BCHE: variants seen among roughly 807,000 people sequenced by gnomAD.
The protein encoded by BCHE is cholinesterase.
BCHE carries 48 observed loss-of-function variants against 51.3 expected under a neutral mutation model. The ratio of observed to expected loss-of-function variants is 0.94; its 90% CI spans 0.74 to 1.19. The LOEUF is 1.19. BCHE is among the 50% of genes most tolerant of loss of function. BCHE has a pLI of 0.00. For missense variants in BCHE, 847 were observed against 708.2 expected, an observed-to-expected ratio of 1.20 and a Z score of -2.23; for synonymous variants, 251 against 238.0, an observed-to-expected ratio of 1.05 and a Z score of -0.50.
intron 2 of BCHE, among the ~76,000 whole-genome samples, chr3:165,823,453 T>G (rs1212608314): frequency 5.9e-5 from 9 of 151,782 alleles, no homozygotes; most frequent in Non-Finnish European, 1.3e-4. Context: ...AGGCAATGAA[T>G]TTCAGAAACT....
At chr3:165,776,950 C>T (rs190998695) in intron 3 of BCHE, among the ~76,000 whole-genome samples, 7 of 151,128 alleles carry the variant, frequency 4.6e-5, no homozygotes, top group Admixed American at 2.6e-4. Context: ...TTAAATAATA[C>T]ATGTAAAATA....
At chr3:165,823,614 GTAT>G (rs532361897) in intron 2 of BCHE, among the ~76,000 whole-genome samples, 84 of 152,130 alleles carry the variant, frequency 5.5e-4, no homozygotes, top group African/African-American at 1.9e-3. Context: ...GTCCTATGAA[GTAT>G]TATATTTATA....
At chr3:165,789,707 A>T (rs1425780176) in intron 2 of BCHE, among the ~76,000 whole-genome samples, 1 of 152,174 alleles carries the variant, frequency 6.6e-6, no homozygotes, top group African/African-American at 2.4e-5. Flanking sequence ...AATATATTGA[A>T]TAAATTTTAA....
chr3:165,833,452 G>T (rs1350496645), intron 1 of BCHE, among the ~76,000 whole-genome samples: 1 of 152,012 alleles, frequency 6.6e-6, no homozygotes, highest in Non-Finnish European at 1.5e-5. Context: ...CCTGAATACT[G>T]TAGGCAATTG....
intron 2 of BCHE, among the ~76,000 whole-genome samples, chr3:165,791,810 G>A (rs891608093): frequency 6.6e-6 from 1 of 151,538 alleles, no homozygotes; most frequent in Non-Finnish European, 1.5e-5. Flanking sequence ...AAAATTACCC[G>A]ATATGATCAT....
chr3:165,820,158 A>C (rs558534989), intron 2 of BCHE, among the ~76,000 whole-genome samples: 1 of 151,650 alleles, frequency 6.6e-6, no homozygotes, highest in South Asian at 2.1e-4. Flanking sequence ...ATACTTGATC[A>C]AACATATCTC....
chr3:165,825,394 GA>G (rs201686760), intron 2 of BCHE, among the ~76,000 whole-genome samples: 9 of 148,694 alleles, frequency 6.1e-5, no homozygotes, highest in East Asian at 3.9e-4. Context: ...GAAGAAAACA[GA>G]AAAAAAAACC....
intron 3 of BCHE, among the ~76,000 whole-genome samples, chr3:165,781,293 T>C (rs1467637515): frequency 6.6e-6 from 1 of 152,038 alleles, no homozygotes; most frequent in African/African-American, 2.4e-5. Context: ...GTATGTTTAT[T>C]GCAGCACTAT....
chr3:165,822,486 C>T (rs976190721), intron 2 of BCHE, among the ~76,000 whole-genome samples: 3 of 151,896 alleles, frequency 2.0e-5, no homozygotes, highest in Admixed American at 1.3e-4. Context: ...TTTATATTCC[C>T]ATTTTACAGA....
chr3:165,811,911 T>G (rs1714112250), intron 2 of BCHE, among the ~76,000 whole-genome samples: 1 of 151,980 alleles, frequency 6.6e-6, no homozygotes, highest in Non-Finnish European at 1.5e-5. Context: ...AGAAGCCCAT[T>G]TCAAAGCATA....
Position 165,773,316 on chromosome 3 carries a change from A to G in BCHE, c.*66T>C. ...AATAACTTTTTTAGTAGGTGTGTAA[A>G]AAAGCTCCTGATATTTTTGCCTTGA... is the stretch of plus-strand genomic sequence containing the variant. On this transcript the variant is annotated 3_prime_UTR_variant, in exon 4 of 4. Coordinates refer to ENST00000264381, the MANE Select transcript of BCHE (RefSeq NM_000055.4). 2 of 1,497,212 alleles carry G rather than the reference A, an allele frequency of 1.3e-6. No homozygotes were observed. Among genetic ancestry groups the G allele is most frequent in the Non-Finnish European group, 9.2e-7 (1 of 1,090,042 alleles). 92.7% of individuals were successfully genotyped at this position (1,497,212 alleles called of 1,614,324 possible). A position where few individuals can be genotyped will look rare whatever the true frequency, so the allele number is the denominator to read the frequency against.
At chr3:165,789,624 A>G (rs1339371418) in intron 2 of BCHE, among the ~76,000 whole-genome samples, 2 of 152,152 alleles carry the variant, frequency 1.3e-5, no homozygotes, top group African/African-American at 4.8e-5. Context: ...ATCTAGTAAA[A>G]TGAAGCTATA....
chr3:165,829,422 G>A (rs1216991449), intron 2 of BCHE, 95 bp downstream of exon 2: 11 of 1,084,814 alleles, frequency 1.0e-5, no homozygotes, highest in African/African-American at 4.7e-5. Flanking sequence ...AAACATTTCT[G>A]TGTCTTTATA....
chr3:165,824,698 A>C (rs2108230910), intron 2 of BCHE, among the ~76,000 whole-genome samples: 1 of 152,214 alleles, frequency 6.6e-6, no homozygotes, highest in East Asian at 1.9e-4. Flanking sequence ...GCAAGCTTGC[A>C]TGACGTAGAA....
chr3:165,796,202 C>G (rs966229934), intron 2 of BCHE, among the ~76,000 whole-genome samples: 8 of 152,120 alleles, frequency 5.3e-5, no homozygotes, highest in African/African-American at 1.9e-4. Flanking sequence ...TAAATGGAGG[C>G]ATGCAAAAAT....
At chr3:165,797,241 CTTCCTTCCTTCCCTCCT>C (rs1713432925) in intron 2 of BCHE, among the ~76,000 whole-genome samples, 1 of 286 alleles carries the variant, frequency 3.5e-3, no homozygotes. Context: ...TCTTCCCTCC[CTTCCTTCCTTCCCTCCT>C]TCCCTTCCTT....
At chr3:165,810,625 C>T (rs915192042) in intron 2 of BCHE, among the ~76,000 whole-genome samples, 3 of 152,078 alleles carry the variant, frequency 2.0e-5, no homozygotes, top group Admixed American at 1.3e-4. Context: ...CACCACTAGT[C>T]GACGTGCTGC....
intron 2 of BCHE, among the ~76,000 whole-genome samples, chr3:165,815,912 G>A (rs745920912): frequency 4.0e-5 from 6 of 151,642 alleles, no homozygotes; most frequent in Non-Finnish European, 8.8e-5. Flanking sequence ...ATTTTCCCCC[G>A]CTTTCTTGTC....
chr3:165,773,690 A>G (rs1712347170), intron 3 of BCHE, among the ~76,000 whole-genome samples, 184 bp from the exon 4 acceptor site: 1 of 152,040 alleles, frequency 6.6e-6, no homozygotes, highest in Non-Finnish European at 1.5e-5. Flanking sequence ...AAATCTTTAC[A>G]GATTATGTGA....
Sources: gnomAD v4.1 joint callset for allele counts (sites outside exome capture counted in the v4.1 genomes callset) on GRCh38, gnomAD v4.1.1 for gene constraint, MANE v1.5 for transcripts, NCBI Gene and HGNC (gene_info 2026-07-23, HGNC 2026-07-21) for gene names.